The following MACF1 variants were observed in gnomAD, a reference collection of about 807,000 sequenced individuals.
The protein encoded by MACF1 is microtubule-actin cross-linking factor 1.
In MACF1, 193 loss-of-function variants were observed where a neutral mutation model predicts 854.8. The ratio of observed to expected loss-of-function variants is 0.23; its 90% confidence interval spans 0.20 to 0.25. MACF1 has a LOEUF of 0.25. MACF1 is among the 10% of genes least tolerant of loss of function. The pLI is 1.00. For missense variants in MACF1, 7,722 were observed against 8,929.1 expected (o/e 0.86, Z 5.45); for synonymous variants, 3,185 against 3,226.7 (o/e 0.99, Z 0.44).
intron 1 of MACF1, among the ~76,000 whole-genome samples, chr1:39,212,730 C>T (rs948930623): frequency 6.6e-6 from 1 of 152,172 alleles, no homozygotes; most frequent in Non-Finnish European, 1.5e-5. Context: ...TCAAGTGATT[C>T]TCGTGCCTCA....
chr1:39,130,542 C>T lies in MACF1; in HGVS notation c.220+46104C>T, dbSNP rs538139214. 2.0e-5 allele frequency among the ~76,000 whole-genome samples: 3 copies of T among 152,282 alleles called. No individual in the cohort carries two copies. The South Asian group carries it at 6.2e-4, about 32-fold the overall frequency. On this transcript the variant is annotated intron_variant, in intron 2 of 93. Transcript: ENST00000361689. ...AGTAGGGAAAAGTTAGTACACTCATCTCATTGTTCAGATCAAGTTTCCTGG... is the reference window on the plus strand; with the variant it reads ...AGTAGGGAAAAGTTAGTACACTCATTTCATTGTTCAGATCAAGTTTCCTGG...
chr1:39,254,142 C>A, intron 4 of MACF1, 156 bp from the exon 5 acceptor site: 2 of 631,356 alleles, frequency 3.2e-6, no homozygotes, highest in Non-Finnish European at 2.8e-6. Context: ...ACGTACAGGC[C>A]TGGTCTTAGG....
intron 72 of MACF1, 25 bp from the exon 73 acceptor site, chr1:39,440,977 CT>C (rs1644104683): frequency 6.2e-7 from 1 of 1,613,726 alleles, no homozygotes. Flanking sequence ...TCTATTTTGG[CT>C]TATATTCTAT....
chr1:39,187,968 C>G lies in MACF1; in HGVS notation c.221-43214C>G, dbSNP rs1419371889. On this transcript the variant is annotated intron_variant, in intron 2 of 93. Transcript: ENST00000361689. Reference sequence around the variant, plus strand: ...CTTCCCTTCCCTTCCCTCCCCTCCTCTCCCCTCCTCTCCCCTCCCCTCCCC... The same window carrying G: ...CTTCCCTTCCCTTCCCTCCCCTCCTGTCCCCTCCTCTCCCCTCCCCTCCCC... Among the ~76,000 whole-genome samples the G allele has an allele frequency of 1.1e-4, 8 of 69,932 alleles. 1 individual carries two copies. Among genetic ancestry groups the G allele is most frequent in the African/African-American group, 3.4e-4 (8 of 23,320 alleles). The allele number at this position is 69,932 out of a possible 152,430, so 45.9% of individuals were successfully genotyped here.
chr1:39,337,562 A>ATTTT (rs35312351), intron 38 of MACF1, among the ~76,000 whole-genome samples: 14,451 of 99,982 alleles, frequency 0.14, 2,164 homozygotes, highest in South Asian at 0.26. Flanking sequence ...AATTACTACC[A>ATTTT]TTTTTTTTTT....
intron 58 of MACF1, among the ~76,000 whole-genome samples, chr1:39,408,870 T>C (rs1245787467): frequency 6.6e-6 from 1 of 151,608 alleles, no homozygotes; most frequent in African/African-American, 2.4e-5. Context: ...CTTCGGCGCC[T>C]CAGCCTCCAA....
At chr1:39,312,256 C>T (rs1013346821) in intron 26 of MACF1, among the ~76,000 whole-genome samples, 1 of 152,124 alleles carries the variant, frequency 6.6e-6, no homozygotes, top group Admixed American at 6.6e-5. Context: ...TAAAATACCT[C>T]TTCCTTTTTA....
chr1:39,177,195 G>A (rs1644040498), intron 2 of MACF1, among the ~76,000 whole-genome samples: 1 of 152,168 alleles, frequency 6.6e-6, no homozygotes. Context: ...GAGTGCAATG[G>A]CGCAATCTTG....
Position 39,257,973 on chromosome 1 carries a change from A to G in MACF1, c.473A>G (p.Asp158Gly). Reference sequence around the variant, plus strand: ...AATATTCGCAATGATGACATCACAGATGGCAACCCCAAGTTGACCCTGGGT... The same window carrying G: ...AATATTCGCAATGATGACATCACAGGTGGCAACCCCAAGTTGACCCTGGGT... ...LVNIRNDDIT[D>G]GNPKLTLGLI... Residue 158 changes from aspartate to glycine, a missense_variant, in exon 6 of 101, where the codon GAT becomes GGT. Asp to Gly is a moderately conservative substitution (Grantham distance 94). Around this residue, in one of 15 missense-constraint regions of MACF1, gnomAD observed 108 missense variants for 196.4 expected, o/e 0.55. Transcript: ENST00000564288. The G allele has an allele frequency of 1.2e-6, 2 of 1,614,150 alleles. No individual in the cohort carries two copies. Among genetic ancestry groups the G allele is most frequent in the Non-Finnish European group, 1.7e-6 (2 of 1,179,994 alleles).
At chr1:39,239,266 G>A (rs888510110) in intron 2 of MACF1, among the ~76,000 whole-genome samples, 6 of 149,060 alleles carry the variant, frequency 4.0e-5, no homozygotes, top group Admixed American at 6.9e-5. Context: ...GGGTGACAGA[G>A]CGAGACTCTG....
intron 58 of MACF1, among the ~76,000 whole-genome samples, chr1:39,388,872 CT>C (rs548104092): frequency 9.9e-4 from 86 of 87,238 alleles, no homozygotes; most frequent in South Asian, 4.2e-3. Flanking sequence ...TCTTCTTCTT[CT>C]TTTTTTTTTT....
At chr1:39,130,295 C>T (rs1642966606) in intron 2 of MACF1, among the ~76,000 whole-genome samples, 1 of 152,178 alleles carries the variant, frequency 6.6e-6, no homozygotes, top group Non-Finnish European at 1.5e-5. Context: ...GGCTAGATGC[C>T]TCCCTATTTT....
intron 2 of MACF1, among the ~76,000 whole-genome samples, chr1:39,114,875 C>T (rs1571057937): frequency 6.6e-6 from 1 of 152,198 alleles, no homozygotes; most frequent in African/African-American, 2.4e-5. Context: ...GTAAGTGAAA[C>T]CTGAACTGTT....
At chr1:39,436,433 C>A (rs1289686090) in intron 70 of MACF1, 1 of 1,610,708 alleles carries the variant, frequency 6.2e-7, no homozygotes, top group Non-Finnish European at 8.5e-7. Flanking sequence ...TCCTGTCTTC[C>A]CCACATCGTC....
intron 58 of MACF1, among the ~76,000 whole-genome samples, chr1:39,421,451 C>T (rs544678652): frequency 5.3e-5 from 8 of 152,120 alleles, no homozygotes; most frequent in Non-Finnish European, 1.2e-4. Context: ...CCTTTGTAAT[C>T]AGAGGAATTC....
intron 58 of MACF1, among the ~76,000 whole-genome samples, chr1:39,408,882 C>T (rs974515709): frequency 3.9e-5 from 6 of 152,078 alleles, no homozygotes; most frequent in South Asian, 2.1e-4. Context: ...AGCCTCCAAT[C>T]CTCTCCACCG....
intron 15 of MACF1, 155 bp downstream of exon 15, chr1:39,287,717 G>A: frequency 3.6e-6 from 3 of 836,096 alleles, no homozygotes; most frequent in Non-Finnish European, 5.5e-6. Flanking sequence ...ATGTTGCCCA[G>A]GCTGGACTGG....
At chr1:39,393,827 CAG>C (rs1372518144) in intron 58 of MACF1, among the ~76,000 whole-genome samples, 1 of 116,602 alleles carries the variant, frequency 8.6e-6, no homozygotes, top group Admixed American at 9.3e-5. Context: ...GAAAGAAAGA[CAG>C]AGAGAGAGGG....
chr1:39,464,566 G>A (rs2124090309), intron 94 of MACF1: 1 of 152,414 alleles, frequency 6.6e-6, no homozygotes, highest in South Asian at 2.0e-4. Flanking sequence ...TGAGAGAAAT[G>A]AATTAACAAG....
Sources: gnomAD v4.1 joint callset for allele counts (sites outside exome capture counted in the v4.1 genomes callset) on GRCh38, gnomAD v4.1.1 for gene constraint, gnomAD v4.1.1 regional missense constraint, MANE v1.5 for transcripts, NCBI Gene and HGNC (gene_info 2026-07-23, HGNC 2026-07-21) for gene names.